The following PTPRD variants were observed in gnomAD, a reference collection of about 807,000 sequenced individuals.
PTPRD encodes protein tyrosine phosphatase receptor type D, also known as receptor-type tyrosine-protein phosphatase delta.
A neutral mutation model predicts 214.5 loss-of-function variants in PTPRD; 34 were observed. The observed-to-expected ratio is 0.16, with a 90% CI of 0.12 to 0.21. PTPRD has a LOEUF of 0.21. Among genes scored for constraint, PTPRD ranks in the 10% least tolerant of loss-of-function variants. The pLI, the probability that PTPRD is intolerant of heterozygous loss-of-function variation, is 1.00. For missense variants in PTPRD, 2,545 were observed against 2,398.7 expected (o/e 1.06, Z -1.27); for synonymous variants, 1,128 against 845.7 (o/e 1.33, Z -5.79).
intron 3 of PTPRD, among the ~76,000 whole-genome samples, chr9:10,257,673 C>A (rs150179357): frequency 6.6e-6 from 1 of 152,150 alleles, no homozygotes; most frequent in Non-Finnish European, 1.5e-5. Flanking sequence ...AGACATCTGA[C>A]CCCACCTGGA....
At chr9:9,194,061 T>TA (rs1367200534) in intron 9 of PTPRD, among the ~76,000 whole-genome samples, 2 of 152,244 alleles carry the variant, frequency 1.3e-5, no homozygotes, top group African/African-American at 4.8e-5. Context: ...CTTTATACTT[T>TA]AAAAATATTT....
intron 5 of PTPRD, among the ~76,000 whole-genome samples, chr9:9,808,783 TA>T (rs1269572456): frequency 6.6e-6 from 1 of 152,092 alleles, no homozygotes; most frequent in Non-Finnish European, 1.5e-5. Context: ...TTTACTTAAT[TA>T]ATTTAGATAC....
intron 33 of PTPRD, among the ~76,000 whole-genome samples, chr9:8,450,740 T>C (rs1181976094): frequency 1.3e-5 from 2 of 152,206 alleles, no homozygotes; most frequent in Admixed American, 6.5e-5. Context: ...TATATAAGAT[T>C]TCTTTATCCA....
chr9:8,741,405 A>G lies in PTPRD; in HGVS notation c.-103-7459T>C, dbSNP rs578093607. Among the ~76,000 whole-genome samples the G allele has an allele frequency of 9.2e-5, 14 of 152,242 alleles. No individual in the cohort carries two copies. The South Asian group carries it at 2.9e-3, about 32-fold the overall frequency. On this transcript the variant is annotated intron_variant, in intron 11 of 45. Coordinates refer to ENST00000381196, the MANE Select transcript of PTPRD (RefSeq NM_002839.4). ...AATGAAACGGTTAAAATACAAGTCT[A>G]TTCAACATGCCGTTGGAACTCTAAT...
chr9:9,171,632 G>A (rs867945353), intron 10 of PTPRD, among the ~76,000 whole-genome samples: 30 of 151,912 alleles, frequency 2.0e-4, no homozygotes, highest in African/African-American at 7.0e-4. Flanking sequence ...AGAATTCTAT[G>A]GGCGTATTTT....
chr9:10,282,418 G>A (rs2095165768), intron 3 of PTPRD, among the ~76,000 whole-genome samples: 1 of 152,152 alleles, frequency 6.6e-6, no homozygotes, highest in Non-Finnish European at 1.5e-5. Context: ...AAGTCACTTA[G>A]ACAAGATAAG....
At chr9:8,593,102 T>C (rs1489945428) in intron 14 of PTPRD, among the ~76,000 whole-genome samples, 3 of 152,196 alleles carry the variant, frequency 2.0e-5, no homozygotes, top group African/African-American at 7.2e-5. Flanking sequence ...TTACTTACTG[T>C]CACTGATGAG....
intron 9 of PTPRD, among the ~76,000 whole-genome samples, chr9:9,199,577 A>G: frequency 6.6e-6 from 1 of 152,190 alleles, no homozygotes; most frequent in South Asian, 2.1e-4. Context: ...GGAAACCAAG[A>G]TCAATTTAAA....
chr9:9,789,852 C>T (rs906553466), intron 5 of PTPRD, among the ~76,000 whole-genome samples: 2 of 133,688 alleles, frequency 1.5e-5, no homozygotes, highest in African/African-American at 5.7e-5. Context: ...TTTATCAGGA[C>T]AAGTGCAAAT....
chr9:9,967,379 T>C (rs1215375044), intron 4 of PTPRD, among the ~76,000 whole-genome samples: 1 of 152,048 alleles, frequency 6.6e-6, no homozygotes, highest in African/African-American at 2.4e-5. Context: ...CAGAGGAAAA[T>C]AGAGAAGGGT....
intron 11 of PTPRD, among the ~76,000 whole-genome samples, chr9:8,976,587 A>G (rs753538391): frequency 6.6e-6 from 1 of 152,172 alleles, no homozygotes; most frequent in Non-Finnish European, 1.5e-5. Flanking sequence ...AAACAATTGC[A>G]TAAGATTGTC....
In PTPRD at chr9:9,324,274, C is replaced by T. The variant is rs559814519; in HGVS notation, c.-203+73175G>A. On this transcript the variant is annotated intron_variant, in intron 9 of 45. Transcript: ENST00000381196. ...CTTGAGGAATCGCCACACTGTCTTC[C>T]GCAGTGGTTGAACTAGTTTACATTC... Among the ~76,000 whole-genome samples the T allele has an allele frequency of 4.7e-4, 72 of 152,260 alleles. No individual in the cohort carries two copies. In the South Asian group the frequency reaches 0.014, roughly 30 times the overall value.
intron 3 of PTPRD, among the ~76,000 whole-genome samples, chr9:10,271,076 G>A (rs190777884): frequency 1.1e-3 from 166 of 151,944 alleles, no homozygotes; most frequent in African/African-American, 3.8e-3. Flanking sequence ...CTTTTGTTTC[G>A]GCCTCCCAAA....
At chr9:9,937,325 C>T (rs1459914609) in intron 5 of PTPRD, among the ~76,000 whole-genome samples, 3 of 150,848 alleles carry the variant, frequency 2.0e-5, no homozygotes, top group African/African-American at 7.3e-5. Flanking sequence ...CTTATAAAGA[C>T]ATTTTAATCC....
At chr9:9,111,726 A>G (rs968981692) in intron 10 of PTPRD, among the ~76,000 whole-genome samples, 1 of 152,034 alleles carries the variant, frequency 6.6e-6, no homozygotes, top group Non-Finnish European at 1.5e-5. Flanking sequence ...CCACATATTT[A>G]TTTTTTTCCT....
At chr9:9,274,516 G>C (rs1347703286) in intron 9 of PTPRD, among the ~76,000 whole-genome samples, 1 of 150,986 alleles carries the variant, frequency 6.6e-6, no homozygotes, top group East Asian at 2.0e-4. Context: ...CATTTATCAG[G>C]GGCCCTTATG....
chr9:10,231,831 C>G (rs2099611084), intron 3 of PTPRD, among the ~76,000 whole-genome samples: 1 of 151,854 alleles, frequency 6.6e-6, no homozygotes, highest in African/African-American at 2.4e-5. Context: ...GGAAGCAGGG[C>G]CCTGTGGAGG....
chr9:8,697,311 T>C (rs1298031457), intron 12 of PTPRD, among the ~76,000 whole-genome samples: 2 of 152,076 alleles, frequency 1.3e-5, no homozygotes, highest in African/African-American at 4.8e-5. Flanking sequence ...AGATGGATCA[T>C]GGGGCTCTTT....
intron 14 of PTPRD, among the ~76,000 whole-genome samples, chr9:8,557,077 G>A (rs1410695965): frequency 2.0e-5 from 3 of 152,148 alleles, no homozygotes; most frequent in Non-Finnish European, 4.4e-5. Flanking sequence ...GAGGACCAGT[G>A]AGAGGAAGGA....
Sources: gnomAD v4.1 joint callset for allele counts (sites outside exome capture counted in the v4.1 genomes callset) on GRCh38, gnomAD v4.1.1 for gene constraint, MANE v1.5 for transcripts, NCBI Gene and HGNC (gene_info 2026-07-23, HGNC 2026-07-21) for gene names.